The following PCDHGB6 variants were observed in gnomAD, a reference collection of about 807,000 sequenced individuals.
PCDHGB6 encodes protocadherin gamma-B6.
PCDHGB6 carries 51 observed loss-of-function variants against 59.1 expected under a neutral mutation model. The observed-to-expected ratio is 0.86, with a 90% CI of 0.69 to 1.09. The LOEUF is 1.09. Among genes scored for constraint, PCDHGB6 ranks in the 50% least tolerant of loss-of-function variants. PCDHGB6 has a pLI of 0.00. For missense variants in PCDHGB6, 1,148 were observed against 1,205.1 expected (o/e 0.95, Z 0.70); for synonymous variants, 466 against 495.1 (o/e 0.94, Z 0.78).
At chr5:141,414,936 G>T in intron 1 of PCDHGB6, 1 of 1,614,118 alleles carries the variant, frequency 6.2e-7, no homozygotes, top group South Asian at 1.1e-5. Context: ...GCTCCGCAGA[G>T]CCCGGCTACC....
chr5:141,432,601 G>C lies in PCDHGB6; in HGVS notation c.2418+21981G>C. The C allele has an allele frequency of 6.2e-7, 1 of 1,613,952 alleles. No homozygotes were observed. The highest frequency in any genetic ancestry group is 8.5e-7 in the Non-Finnish European group (1 of 1,179,984). On this transcript the variant is annotated intron_variant, in intron 1 of 3. Coordinates refer to ENST00000520790, the MANE Select transcript of PCDHGB6 (RefSeq NM_018926.3). The surrounding 1 kb of genome is among the most constrained non-coding windows in gnomAD (Gnocchi z 6.0). ...ACCGTCTGCTCAAGGCCAGCGAGCC[G>C]GGACTCTTCTCGGTGGGTCTGCACA...
intron 1 of PCDHGB6, among the ~76,000 whole-genome samples, chr5:141,463,191 C>T (rs2099054821): frequency 6.6e-6 from 1 of 152,100 alleles, no homozygotes; most frequent in Non-Finnish European, 1.5e-5. Flanking sequence ...TATTATTTAG[C>T]CAAAGACTTG....
intron 1 of PCDHGB6, among the ~76,000 whole-genome samples, chr5:141,461,886 C>T (rs944110458): frequency 3.3e-5 from 5 of 151,972 alleles, no homozygotes; most frequent in South Asian, 2.1e-4. Context: ...TGCAATGGCA[C>T]GATCTCGGCT....
intron 1 of PCDHGB6, among the ~76,000 whole-genome samples, chr5:141,466,540 G>T (rs1302720337): frequency 6.6e-6 from 1 of 152,094 alleles, no homozygotes; most frequent in Non-Finnish European, 1.5e-5. Context: ...GATGTAGATG[G>T]TCTTTTGCTG....
intron 1 of PCDHGB6, among the ~76,000 whole-genome samples, chr5:141,443,560 G>A (rs2098394386): frequency 6.6e-6 from 1 of 152,162 alleles, no homozygotes; most frequent in Non-Finnish European, 1.5e-5. Context: ...CAATTCAAAT[G>A]CTTTAAATGG....
chr5:141,510,291 A>AG (rs903726285), intron 3 of PCDHGB6, among the ~76,000 whole-genome samples: 1 of 150,450 alleles, frequency 6.6e-6, no homozygotes, highest in African/African-American at 2.4e-5. Context: ...AAAAAAAAAA[A>AG]TGCTGTTTTG....
At position 141,511,456 on chromosome 5, in the gene PCDHGB6, C is replaced by A. The variant is rs900802210; in HGVS notation, c.*283C>A. ...TACTGTAGACACCAAGAACCATTTG[C>A]CACACCCCGTTTAGTTACAGCTGAA... On this transcript the variant is annotated 3_prime_UTR_variant, in exon 4 of 4. Transcript: ENST00000520790. 3.4e-6 allele frequency: 2 copies of A among 585,210 alleles called. No homozygotes were observed. The highest frequency in any genetic ancestry group is 5.7e-6 in the Non-Finnish European group (2 of 351,786). 36.3% of individuals were successfully genotyped at this position (585,210 alleles called of 1,614,324 possible).
chr5:141,432,250 A>T lies in PCDHGB6; in HGVS notation c.2418+21630A>T. ...ATTCCCTGGCTGAGAACACCATCCA[A>T]GGGGCAAGCCTATCGTCCTACGTGT... is the stretch of plus-strand genomic sequence containing the variant. On this transcript the variant is annotated intron_variant, in intron 1 of 3. Transcript: ENST00000520790. This position sits in a 1 kb window ranked among gnomAD's most constrained non-coding sequence, Gnocchi z 6.0. 1 of 1,614,234 alleles carries T rather than the reference A, an allele frequency of 6.2e-7. No homozygotes were observed. Among genetic ancestry groups the T allele is most frequent in the Non-Finnish European group, 8.5e-7 (1 of 1,180,054 alleles).
At chr5:141,433,361 A>G (rs1208326325) in intron 1 of PCDHGB6, 15 of 297,508 alleles carry the variant, frequency 5.0e-5, no homozygotes, top group Non-Finnish European at 7.0e-5. Context: ...CTGTCTGCCT[A>G]TCTATCTATC....
In PCDHGB6 at chr5:141,487,186, A is replaced by G; in HGVS notation, c.2419-7621A>G. 4 of 1,613,760 alleles carry G rather than the reference A, an allele frequency of 2.5e-6. No individual in the cohort carries two copies. The highest frequency in any genetic ancestry group is 2.5e-6 in the Non-Finnish European group (3 of 1,179,662). ...TGTCCTTAGAGGAAGACACTCATCC[A>G]GTTGTCCCAGATCTTCGAGAATCTT... is the stretch of plus-strand genomic sequence containing the variant. On this transcript the variant is annotated intron_variant, in intron 1 of 3. Coordinates refer to ENST00000520790, the MANE Select transcript of PCDHGB6 (RefSeq NM_018926.3). This position sits in a 1 kb window ranked among gnomAD's most constrained non-coding sequence, Gnocchi z 5.0.
In PCDHGB6 at chr5:141,511,149, G is replaced by T; in HGVS notation, c.2769G>T (p.Lys923Asn). The change falls in exon 4 of 4, where the codon AAG becomes AAT. Residue 923 changes from lysine to asparagine, a missense_variant. By Grantham distance (94) the Lys-to-Asn change is moderately conservative. Transcript: ENST00000520790. ...APAGGNGNKKKSGKKEKK is the reference protein window; with the variant it reads ...APAGGNGNKKNSGKKEKK The stretch of plus-strand genomic sequence containing the variant: ...CAGGTGGCAATGGCAACAAGAAGAA[G>T]TCGGGCAAGAAGGAGAAGAAGTAAC... 1 of 1,614,176 alleles carries T rather than the reference G, an allele frequency of 6.2e-7. No homozygotes were observed. The highest frequency in any genetic ancestry group is 8.5e-7 in the Non-Finnish European group (1 of 1,179,998).
rs1263728099 is a variant in PCDHGB6, at chr5:141,476,079, G to T, written c.2419-18728G>T. Reference sequence around the variant, plus strand: ...AGTTTCTCAGCGAAATCTCAGGGACGATCTGGACCCCGCTGAGAGGAACTG... The same window carrying T: ...AGTTTCTCAGCGAAATCTCAGGGACTATCTGGACCCCGCTGAGAGGAACTG... On this transcript the variant is annotated intron_variant, in intron 1 of 3. Coordinates refer to ENST00000520790, the MANE Select transcript of PCDHGB6 (RefSeq NM_018926.3). This position sits in a 1 kb window ranked among gnomAD's most constrained non-coding sequence, Gnocchi z 7.6. 3 of 1,537,560 alleles carry T rather than the reference G, an allele frequency of 2.0e-6. No homozygotes were observed. Among genetic ancestry groups the T allele is most frequent in the African/African-American group, 1.4e-5 (1 of 72,808 alleles).
At position 141,477,272 on chromosome 5, in the gene PCDHGB6, C is replaced by G. The variant is rs2099408579; in HGVS notation, c.2419-17535C>G. The G allele has an allele frequency of 1.2e-6, 2 of 1,614,090 alleles. No homozygotes were observed. The highest frequency in any genetic ancestry group is 1.7e-6 in the Non-Finnish European group (2 of 1,180,048). Reference sequence around the variant, plus strand: ...TGACCTGGATGCTGGCGAGAACGGGCTGGTGACCTGCGAAGTTCCACCGGG... The same window carrying G: ...TGACCTGGATGCTGGCGAGAACGGGGTGGTGACCTGCGAAGTTCCACCGGG... On this transcript the variant is annotated intron_variant, in intron 1 of 3. Coordinates refer to ENST00000520790, the MANE Select transcript of PCDHGB6 (RefSeq NM_018926.3). This position sits in a 1 kb window ranked among gnomAD's most constrained non-coding sequence, Gnocchi z 4.9.
intron 1 of PCDHGB6, among the ~76,000 whole-genome samples, chr5:141,444,152 ATTTTTTTTTTTTTTTT>A (rs747671382): frequency 6.3e-3 from 214 of 33,896 alleles, no homozygotes; most frequent in African/African-American, 0.023. Flanking sequence ...TGTGTACTGG[ATTTTTTTTTTTTTTTT>A]TTTTTTTTTT....
At chr5:141,414,098 C>A in intron 1 of PCDHGB6, 1 of 1,594,212 alleles carries the variant, frequency 6.3e-7, no homozygotes, top group Non-Finnish European at 8.5e-7. Flanking sequence ...ATAAAAATAT[C>A]AGAAAATCTA....
intron 1 of PCDHGB6, among the ~76,000 whole-genome samples, chr5:141,480,115 G>A (rs1164458958): frequency 6.6e-6 from 1 of 152,110 alleles, no homozygotes; most frequent in African/African-American, 2.4e-5. Flanking sequence ...CATGGTGCCT[G>A]GCATATCATA....
chr5:141,410,320 C>T lies in PCDHGB6; in HGVS notation c.2118C>T (p.Ala706=), dbSNP rs752279818. ...TAATCTCAGTGCTCTTCCTCCTCGCCGTGATTCTGGCCATTGCCTTGCGCC... is the reference window on the plus strand; with the variant it reads ...TAATCTCAGTGCTCTTCCTCCTCGCTGTGATTCTGGCCATTGCCTTGCGCC... ...LALISVLFLL[A]VILAIALRLR... Residue 706 remains alanine (A), a synonymous_variant, in exon 1 of 4, where the codon GCC becomes GCT. Coordinates refer to ENST00000520790, the MANE Select transcript of PCDHGB6 (RefSeq NM_018926.3). 3.3e-5 allele frequency: 54 copies of T among 1,613,880 alleles called. No homozygotes were observed. The highest frequency in any genetic ancestry group is 4.5e-5 in the Non-Finnish European group (53 of 1,179,900).
Position 141,490,008 on chromosome 5 carries a change from C to T in PCDHGB6, c.2419-4799C>T. 6.2e-7 allele frequency: 1 copy of T among 1,614,230 alleles called. No homozygotes were observed. ...GTGTGGGAATCCCAGAGAATGCACC[C>T]ATTGGTACTCTGCTGCTCCGCCTCA... On this transcript the variant is annotated intron_variant, in intron 1 of 3. Transcript: ENST00000520790. This position sits in a 1 kb window ranked among gnomAD's most constrained non-coding sequence, Gnocchi z 5.4.
intron 1 of PCDHGB6, among the ~76,000 whole-genome samples, chr5:141,475,778 T>C (rs1204790631): frequency 2.0e-5 from 3 of 152,282 alleles, no homozygotes; most frequent in Non-Finnish European, 4.4e-5. Flanking sequence ...GCGCTTTGGC[T>C]GGAAACTCTG....
Sources: allele counts gnomAD v4.1 joint callset (sites outside exome capture counted in the v4.1 genomes callset), GRCh38; gene constraint gnomAD v4.1.1; non-coding constraint Gnocchi (gnomAD v3.1); transcripts MANE v1.5; gene names NCBI Gene and HGNC (gene_info 2026-07-23, HGNC 2026-07-21).